The following OPCML variants were observed in gnomAD, a reference collection of about 807,000 sequenced individuals.
OPCML encodes the protein opioid-binding protein/cell adhesion molecule.
Under a neutral mutation model 37.8 loss-of-function variants are expected in OPCML, and 13 were observed. The ratio of observed to expected loss-of-function variants is 0.34; its 90% confidence interval spans 0.22 to 0.55. The LOEUF is 0.55. Among genes scored for constraint, OPCML ranks in the 20% least tolerant of loss-of-function variants. The pLI is 0.91. For missense variants in OPCML, 341 were observed against 435.6 expected, an observed-to-expected ratio of 0.78 and a Z score of 1.93; for synonymous variants, 176 against 168.8, an observed-to-expected ratio of 1.04 and a Z score of -0.33.
At chr11:132,886,524 C>G (rs573439001) in intron 2 of OPCML, among the ~76,000 whole-genome samples, 1 of 152,350 alleles carries the variant, frequency 6.6e-6, no homozygotes, top group South Asian at 2.1e-4. Context: ...CATGTGGTCT[C>G]TGGGTAATCC....
chr11:133,518,277 A>G (rs1948325803), intron 1 of OPCML, among the ~76,000 whole-genome samples: 1 of 151,348 alleles, frequency 6.6e-6, no homozygotes, highest in African/African-American at 2.4e-5. Flanking sequence ...GTGTGTGGAT[A>G]TAAGCAAAGT....
At chr11:132,542,076 G>A (rs1314557359) in intron 3 of OPCML, among the ~76,000 whole-genome samples, 1 of 152,182 alleles carries the variant, frequency 6.6e-6, no homozygotes, top group Non-Finnish European at 1.5e-5. Flanking sequence ...GGTTACAGAT[G>A]ATCAGTGCGG....
At position 132,904,878 on chromosome 11, in the gene OPCML, C is replaced by A. The variant is rs146840038; in HGVS notation, c.146+38048G>T. On this transcript the variant is annotated intron_variant, in intron 2 of 7. Coordinates refer to ENST00000524381, the MANE Select transcript of OPCML (RefSeq NM_001012393.5). ...TGAGTTTGTTTGAATTGGGATTTTT[C>A]TCTGGACCTAAAACTAAGACTGAGC... Among the ~76,000 whole-genome samples, 3 of 152,304 alleles carry A rather than the reference C, an allele frequency of 2.0e-5. No individual in the cohort carries two copies. In the East Asian group the frequency reaches 5.8e-4, roughly 29 times the overall value.
intron 4 of OPCML, among the ~76,000 whole-genome samples, chr11:132,511,182 G>T (rs1023301092): frequency 1.3e-5 from 2 of 152,046 alleles, no homozygotes; most frequent in Non-Finnish European, 2.9e-5. Flanking sequence ...ATGAACAATT[G>T]AGATTTTTAA....
intron 4 of OPCML, among the ~76,000 whole-genome samples, chr11:132,447,627 C>T (rs1210959327): frequency 6.6e-6 from 1 of 152,256 alleles, no homozygotes; most frequent in Non-Finnish European, 1.5e-5. Flanking sequence ...TACTTTTTAA[C>T]TGTCACCTTT....
intron 2 of OPCML, among the ~76,000 whole-genome samples, chr11:132,824,266 A>T (rs1940165360): frequency 6.6e-6 from 1 of 152,190 alleles, no homozygotes; most frequent in Non-Finnish European, 1.5e-5. Context: ...CATTCCAGAC[A>T]AAAAGTTAAT....
At chr11:133,049,446 G>A (rs975455503) in intron 1 of OPCML, among the ~76,000 whole-genome samples, 2 of 152,124 alleles carry the variant, frequency 1.3e-5, no homozygotes, top group Non-Finnish European at 2.9e-5. Context: ...CTAATCACGT[G>A]ACCTTTCAGT....
rs77896121 is a variant in OPCML at position 132,632,845 on chromosome 11, G to A, written c.379+24242C>T. ...TGGACTCCTTCCAACTGTTCAGATG[G>A]GCAGGGAGGAGTTTCATCATCAGAG... is the stretch of plus-strand genomic sequence containing the variant. On this transcript the variant is annotated intron_variant, in intron 3 of 7. Coordinates refer to ENST00000524381, the MANE Select transcript of OPCML (RefSeq NM_001012393.5). 7.3e-3 allele frequency among the ~76,000 whole-genome samples: 1,108 copies of A among 152,096 alleles called. 6 individuals are homozygous for A. Among genetic ancestry groups the A allele is most frequent in the African/African-American group, 0.025 (1,053 of 41,478 alleles).
At chr11:132,976,996 G>A (rs1946478762) in intron 1 of OPCML, among the ~76,000 whole-genome samples, 1 of 152,168 alleles carries the variant, frequency 6.6e-6, no homozygotes, top group Non-Finnish European at 1.5e-5. Flanking sequence ...GATGTTGACT[G>A]TGAAGACCCT....
At chr11:132,829,383 A>G (rs1940551407) in intron 2 of OPCML, among the ~76,000 whole-genome samples, 2 of 152,232 alleles carry the variant, frequency 1.3e-5, no homozygotes, top group Admixed American at 6.5e-5. Context: ...CTGACAAGTG[A>G]GGAAACTGAG....
intron 3 of OPCML, among the ~76,000 whole-genome samples, chr11:132,582,607 A>G (rs2096464408): frequency 6.6e-6 from 1 of 152,172 alleles, no homozygotes; most frequent in South Asian, 2.1e-4. Flanking sequence ...ATGTTTTCAA[A>G]GATAAGATAC....
intron 1 of OPCML, among the ~76,000 whole-genome samples, chr11:133,319,154 A>G (rs897974796): frequency 2.0e-5 from 3 of 152,226 alleles, no homozygotes; most frequent in Non-Finnish European, 4.4e-5. Flanking sequence ...TTTAAATTTC[A>G]TTTTCACCTA....
intron 2 of OPCML, among the ~76,000 whole-genome samples, chr11:132,795,733 C>T (rs138213762): frequency 4.7e-4 from 72 of 152,294 alleles, no homozygotes; most frequent in African/African-American, 1.4e-3. Flanking sequence ...AGTCCATCCA[C>T]GCTCCACTTC....
At chr11:132,718,513 G>A (rs1449206096) in intron 2 of OPCML, among the ~76,000 whole-genome samples, 1 of 152,164 alleles carries the variant, frequency 6.6e-6, no homozygotes, top group Non-Finnish European at 1.5e-5. Flanking sequence ...CCATCCACTG[G>A]TGGATTTACT....
chr11:132,456,682 G>A (rs537764555), intron 4 of OPCML, among the ~76,000 whole-genome samples: 1 of 152,324 alleles, frequency 6.6e-6, no homozygotes, highest in East Asian at 1.9e-4. Flanking sequence ...CATCAGGTGT[G>A]GGAGAAAGAG....
chr11:133,006,458 C>A, intron 1 of OPCML: 4 of 985,406 alleles, frequency 4.1e-6, no homozygotes, highest in South Asian at 9.4e-5. Flanking sequence ...AATAAGTGAG[C>A]TCTTTAAAGG....
chr11:132,491,025 C>T (rs534901813), intron 4 of OPCML, among the ~76,000 whole-genome samples: 3 of 152,220 alleles, frequency 2.0e-5, no homozygotes, highest in East Asian at 3.9e-4. Flanking sequence ...CTCTCACACC[C>T]CAAATCCAAT....
At chr11:133,498,290 G>T (rs1247011250) in intron 1 of OPCML, among the ~76,000 whole-genome samples, 4 of 152,166 alleles carry the variant, frequency 2.6e-5, no homozygotes, top group African/African-American at 9.6e-5. Context: ...GGCAAGGAAG[G>T]CCTGAAATTC....
intron 2 of OPCML, among the ~76,000 whole-genome samples, chr11:132,739,791 C>G (rs1945378762): frequency 6.6e-6 from 1 of 152,202 alleles, no homozygotes; most frequent in Non-Finnish European, 1.5e-5. Context: ...AGCTTATCAT[C>G]ATTATAATCA....
Sources: gnomAD v4.1 joint callset for allele counts (sites outside exome capture counted in the v4.1 genomes callset) on GRCh38, gnomAD v4.1.1 for gene constraint, MANE v1.5 for transcripts, NCBI Gene and HGNC (gene_info 2026-07-23, HGNC 2026-07-21) for gene names.